GFRA2: variants seen among roughly 807,000 people sequenced by gnomAD.
GFRA2 encodes the protein GDNF family receptor alpha 2.
A neutral mutation model predicts 48.3 loss-of-function variants in GFRA2; 17 were observed. The observed-to-expected ratio is 0.35, with a 90% CI of 0.24 to 0.53. The LOEUF is 0.53. Ranked by LOEUF, GFRA2 falls within the 20% of genes least tolerant of loss-of-function variation. GFRA2 has a pLI of 0.93. For synonymous variants in GFRA2, 305 were observed against 257.2 expected (o/e 1.19, Z -1.78); for missense variants, 660 against 637.3 (o/e 1.04, Z -0.38).
Position 21,784,307 on chromosome 8 carries a change from G to A in GFRA2, c.41-1408C>T, listed in dbSNP as rs1009313520. 986 of 456,182 alleles carry A rather than the reference G, an allele frequency of 2.2e-3. 6 individuals carry two copies. The highest frequency in any genetic ancestry group is 0.018 in the African/African-American group (889 of 50,172). 28.3% of individuals were successfully genotyped at this position (456,182 alleles called of 1,614,324 possible). A position where few individuals can be genotyped will look rare whatever the true frequency, so the allele number is the denominator to read the frequency against. The stretch of plus-strand genomic sequence containing the variant: ...GAGATCCTGCCACCAGGAAAAGCCC[G>A]CACCATGGCCCAGAGCCATGACTGC... On this transcript the variant is annotated intron_variant, in intron 1 of 8. Transcript: ENST00000524240.
chr8:21,758,324 C>T (rs1011473117), intron 3 of GFRA2, among the ~76,000 whole-genome samples: 22 of 152,142 alleles, frequency 1.4e-4, no homozygotes, highest in Non-Finnish European at 2.9e-4. Flanking sequence ...TGTTTCATCC[C>T]CCTCTGCCAC....
chr8:21,728,612 G>A (rs1164718287), intron 4 of GFRA2, among the ~76,000 whole-genome samples: 2 of 152,162 alleles, frequency 1.3e-5, no homozygotes, highest in Admixed American at 1.3e-4. Flanking sequence ...GATGGATGGA[G>A]ATGTGGCGTC....
At chr8:21,778,555 C>T (rs1208080343) in intron 2 of GFRA2, among the ~76,000 whole-genome samples, 2 of 152,206 alleles carry the variant, frequency 1.3e-5, no homozygotes, top group Non-Finnish European at 2.9e-5. Flanking sequence ...AGGTGCTTAA[C>T]AAATGGTTGT....
intron 4 of GFRA2, among the ~76,000 whole-genome samples, chr8:21,722,285 G>A (rs1057177087): frequency 8.5e-5 from 13 of 152,262 alleles, no homozygotes; most frequent in Middle Eastern, 3.4e-3. Flanking sequence ...AGCCATGCAG[G>A]CTCCCAGGAA....
Position 21,767,214 on chromosome 8 carries a change from CCAAA to C in GFRA2, c.439+7754_439+7757del, listed in dbSNP as rs372452298. 7.3e-4 allele frequency among the ~76,000 whole-genome samples: 108 copies of C among 147,280 alleles called. 1 individual carries two copies. Among genetic ancestry groups the C allele is most frequent in the African/African-American group, 2.4e-3 (96 of 39,482 alleles). On this transcript the variant is annotated intron_variant, in intron 3 of 8. Transcript: ENST00000524240. Reference sequence around the variant, plus strand: ...CACCGCCTACACATATCCACCATGCCCAAACACACACACACACCACCTCACACAC... The same window carrying C: ...CACCGCCTACACATATCCACCATGCCCACACACACACACCACCTCACACAC...
chr8:21,702,884 T>G lies in GFRA2; in HGVS notation c.1139A>C (p.Lys380Thr), dbSNP rs1345833851. 1 of 1,607,488 alleles carries G rather than the reference T, an allele frequency of 6.2e-7. No individual in the cohort carries two copies. The highest frequency in any genetic ancestry group is 1.3e-5 in the African/African-American group (1 of 74,334). ...GAGGTCATCTGGCAAAGAAGGCGTC[T>G]TCTCCACCCGAGGGGCCTGGGTGGC... is the stretch of plus-strand genomic sequence containing the variant. Reference protein sequence around the residue: ...FQATQAPRVEKTPSLPDDLSD... With the variant: ...FQATQAPRVETTPSLPDDLSD... Residue 380 changes from lysine (K) to threonine (T), a missense_variant, in exon 7 of 9, where the codon AAG becomes ACG. Coordinates refer to ENST00000524240, the MANE Select transcript of GFRA2 (RefSeq NM_001495.5).
intron 4 of GFRA2, among the ~76,000 whole-genome samples, chr8:21,721,647 G>A (rs1803600345): frequency 6.6e-6 from 1 of 152,202 alleles, no homozygotes; most frequent in South Asian, 2.1e-4. Flanking sequence ...AGAATTGGCT[G>A]TATACCTGTT....
At chr8:21,720,863 C>T (rs533526141) in intron 4 of GFRA2, among the ~76,000 whole-genome samples, 3 of 152,248 alleles carry the variant, frequency 2.0e-5, no homozygotes, top group African/African-American at 7.2e-5. Flanking sequence ...ATCTGTTTCT[C>T]CTATTAAGCT....
At chr8:21,762,180 G>A (rs374979604) in intron 3 of GFRA2, among the ~76,000 whole-genome samples, 8 of 152,136 alleles carry the variant, frequency 5.3e-5, no homozygotes, top group African/African-American at 1.2e-4. Context: ...GCAAGATCTC[G>A]GGGCATCTTC....
At chr8:21,768,317 A>G (rs1482796047) in intron 3 of GFRA2, among the ~76,000 whole-genome samples, 1 of 152,368 alleles carries the variant, frequency 6.6e-6, no homozygotes, top group South Asian at 2.1e-4. Context: ...CATTCGGCTC[A>G]GGGAGACAAC....
chr8:21,787,181 G>A (rs1441639844), intron 1 of GFRA2, among the ~76,000 whole-genome samples: 4 of 151,504 alleles, frequency 2.6e-5, no homozygotes, highest in African/African-American at 7.3e-5. Flanking sequence ...AAGGGAGAGA[G>A]GAGCTGGGAA....
chr8:21,733,267 C>A (rs1255549559), intron 4 of GFRA2, among the ~76,000 whole-genome samples: 1 of 152,164 alleles, frequency 6.6e-6, no homozygotes, highest in Non-Finnish European at 1.5e-5. Flanking sequence ...CAGGCACCGA[C>A]CTCCCCTGCC....
At chr8:21,711,484 G>C (rs530510173) in intron 4 of GFRA2, among the ~76,000 whole-genome samples, 1 of 152,212 alleles carries the variant, frequency 6.6e-6, no homozygotes, top group African/African-American at 2.4e-5. Flanking sequence ...GTGTTTCCTT[G>C]GCAGCTGTAG....
chr8:21,741,502 C>T (rs1419606082), intron 4 of GFRA2, among the ~76,000 whole-genome samples: 1 of 152,140 alleles, frequency 6.6e-6, no homozygotes, highest in African/African-American at 2.4e-5. Context: ...TGCTTGCTCA[C>T]CATCTGCCTC....
At chr8:21,807,718 A>C (rs1255036406) in intron 1 of GFRA2, among the ~76,000 whole-genome samples, 2 of 152,070 alleles carry the variant, frequency 1.3e-5, no homozygotes, top group Non-Finnish European at 2.9e-5. Context: ...ACTCCAGAGA[A>C]AACATAGAAG....
At chr8:21,701,445 G>A (rs1042156447) in intron 7 of GFRA2, among the ~76,000 whole-genome samples, 4 of 152,150 alleles carry the variant, frequency 2.6e-5, no homozygotes, top group African/African-American at 4.8e-5. Context: ...TGAATCAGAG[G>A]CCCTTCCTCT....
At chr8:21,759,372 T>G (rs1805759935) in intron 3 of GFRA2, among the ~76,000 whole-genome samples, 1 of 134,848 alleles carries the variant, frequency 7.4e-6, no homozygotes, top group African/African-American at 2.8e-5. Flanking sequence ...GGCGACAGAG[T>G]GAGGCTCTGG....
intron 3 of GFRA2, among the ~76,000 whole-genome samples, chr8:21,765,104 T>C (rs898972771): frequency 2.1e-5 from 3 of 146,164 alleles, no homozygotes; most frequent in Non-Finnish European, 3.0e-5. Flanking sequence ...TTCTTTCTTT[T>C]TATTTTTTAT....
At chr8:21,786,426 A>G (rs767059405) in intron 1 of GFRA2, among the ~76,000 whole-genome samples, 50 of 151,670 alleles carry the variant, frequency 3.3e-4, no homozygotes, top group Non-Finnish European at 5.6e-4. Context: ...CTGAAATACA[A>G]TTTTTTTTTC....
Sources: allele counts gnomAD v4.1 joint callset (sites outside exome capture counted in the v4.1 genomes callset), GRCh38; gene constraint gnomAD v4.1.1; transcripts MANE v1.5; gene names NCBI Gene and HGNC (gene_info 2026-07-23, HGNC 2026-07-21).